The following COX7B2 variants were observed in gnomAD, a reference collection of about 807,000 sequenced individuals.
The protein encoded by COX7B2 is cytochrome c oxidase subunit 7B2, mitochondrial.
For missense variants in COX7B2, 109 were observed against 95.9 expected, an observed-to-expected ratio of 1.14 and a Z score of -0.57; for synonymous variants, 37 against 32.1, an observed-to-expected ratio of 1.15 and a Z score of -0.51.
chr4:46,889,404 T>C (rs1331057175), intron 1 of COX7B2, among the ~76,000 whole-genome samples: 1 of 152,218 alleles, frequency 6.6e-6, no homozygotes. Flanking sequence ...ACCACAATAC[T>C]ACATTCTTCT....
chr4:46,865,189 G>A (rs1366334538), intron 1 of COX7B2, among the ~76,000 whole-genome samples: 1 of 152,106 alleles, frequency 6.6e-6, no homozygotes, highest in Non-Finnish European at 1.5e-5. Context: ...ACTTATCAGT[G>A]AGAACATATA....
chr4:46,738,716 T>C (rs1013612324), intron 2 of COX7B2, among the ~76,000 whole-genome samples: 1 of 151,984 alleles, frequency 6.6e-6, no homozygotes. Context: ...AAAAAAGAAA[T>C]TCAATAATAT....
At chr4:46,790,100 C>A (rs1032663096) in intron 2 of COX7B2, among the ~76,000 whole-genome samples, 4 of 151,974 alleles carry the variant, frequency 2.6e-5, no homozygotes, top group African/African-American at 9.7e-5. Context: ...AATTTTCTAT[C>A]TGCTATCTAA....
At chr4:46,858,664 A>G (rs1300931003) in intron 1 of COX7B2, among the ~76,000 whole-genome samples, 1 of 152,058 alleles carries the variant, frequency 6.6e-6, no homozygotes, top group Non-Finnish European at 1.5e-5. Context: ...TGGAAACACT[A>G]CAGCTCTGCT....
chr4:46,855,806 G>A (rs988627054), intron 1 of COX7B2, among the ~76,000 whole-genome samples: 3 of 152,174 alleles, frequency 2.0e-5, no homozygotes, highest in South Asian at 2.1e-4. Context: ...TACATGAAAC[G>A]AGAGAAACAG....
At chr4:46,881,917 T>C (rs185767530) in intron 1 of COX7B2, among the ~76,000 whole-genome samples, 26 of 152,290 alleles carry the variant, frequency 1.7e-4, no homozygotes, top group Middle Eastern at 3.4e-3. Flanking sequence ...TTTCTAACTT[T>C]TTGATGTGGG....
At chr4:46,896,085 C>G (rs1470559803) in intron 1 of COX7B2, among the ~76,000 whole-genome samples, 1 of 152,160 alleles carries the variant, frequency 6.6e-6, no homozygotes, top group Non-Finnish European at 1.5e-5. Context: ...TCCTACTTTA[C>G]AATTTTGCCT....
chr4:46,820,288 C>T (rs909471423), intron 2 of COX7B2, among the ~76,000 whole-genome samples: 1 of 152,124 alleles, frequency 6.6e-6, no homozygotes, highest in Non-Finnish European at 1.5e-5. Context: ...GCATGCACAG[C>T]TCACAACAGG....
chr4:46,898,607 T>C (rs184042379), intron 1 of COX7B2, among the ~76,000 whole-genome samples: 1 of 152,176 alleles, frequency 6.6e-6, no homozygotes, highest in African/African-American at 2.4e-5. Context: ...TTATTTTTTG[T>C]AGAGGCGGGG....
intron 2 of COX7B2, among the ~76,000 whole-genome samples, chr4:46,805,834 T>C (rs577492844): frequency 5.3e-5 from 8 of 152,306 alleles, no homozygotes; most frequent in African/African-American, 1.9e-4. Flanking sequence ...GGAACATCCA[T>C]AGACATCTCT....
chr4:46,852,372 A>G (rs957727762), intron 1 of COX7B2, among the ~76,000 whole-genome samples: 1 of 152,036 alleles, frequency 6.6e-6, no homozygotes, highest in Non-Finnish European at 1.5e-5. Context: ...CATGTTAAAT[A>G]CTTAATTAGC....
chr4:46,744,350 C>A (rs1714894106), intron 2 of COX7B2, among the ~76,000 whole-genome samples: 1 of 152,032 alleles, frequency 6.6e-6, no homozygotes, highest in Non-Finnish European at 1.5e-5. Flanking sequence ...CTGCTATAAA[C>A]CCTTAATTTC....
At chr4:46,902,413 C>T (rs905990542) in intron 1 of COX7B2, among the ~76,000 whole-genome samples, 2 of 152,176 alleles carry the variant, frequency 1.3e-5, no homozygotes, top group African/African-American at 4.8e-5. Flanking sequence ...TACCAATAAT[C>T]TGCAGCATTT....
chr4:46,755,844 C>T (rs1242631683), intron 2 of COX7B2, among the ~76,000 whole-genome samples: 1 of 152,038 alleles, frequency 6.6e-6, no homozygotes, highest in Non-Finnish European at 1.5e-5. Flanking sequence ...ATCCCATGCT[C>T]ATGGACTGGA....
chr4:46,738,092 G>A (rs1375374501), intron 2 of COX7B2, among the ~76,000 whole-genome samples: 1 of 152,142 alleles, frequency 6.6e-6, no homozygotes, highest in Non-Finnish European at 1.5e-5. Flanking sequence ...GACAGGTGCA[G>A]CCTTAATCCA....
intron 2 of COX7B2, among the ~76,000 whole-genome samples, chr4:46,750,267 G>A (rs6857254): frequency 0.33 from 49,058 of 149,282 alleles, 8,300 homozygotes; most frequent in South Asian, 0.47. Flanking sequence ...GGTGGCACAT[G>A]CCTGTAGTCC....
intron 2 of COX7B2, among the ~76,000 whole-genome samples, chr4:46,747,003 T>C (rs1438918091): frequency 1.3e-5 from 2 of 152,154 alleles, no homozygotes; most frequent in Non-Finnish European, 2.9e-5. Flanking sequence ...AAAAATATGA[T>C]CAGGCTGCTA....
intron 2 of COX7B2, among the ~76,000 whole-genome samples, chr4:46,821,053 G>A (rs1471116941): frequency 6.6e-6 from 1 of 151,990 alleles, no homozygotes; most frequent in Non-Finnish European, 1.5e-5. Flanking sequence ...ACTGCCTTAT[G>A]CTGCCCTTGC....
intron 2 of COX7B2, among the ~76,000 whole-genome samples, chr4:46,828,666 A>G (rs376754816): frequency 6.6e-6 from 1 of 152,318 alleles, no homozygotes; most frequent in East Asian, 1.9e-4. Flanking sequence ...TACAATCAGT[A>G]AATCATAAGA....
Sources: gnomAD v4.1 joint callset for allele counts (sites outside exome capture counted in the v4.1 genomes callset) on GRCh38, gnomAD v4.1.1 for gene constraint, MANE v1.5 for transcripts, NCBI Gene and HGNC (gene_info 2026-07-23, HGNC 2026-07-21) for gene names.